ITSN2: variants seen among roughly 807,000 people sequenced by gnomAD.
ITSN2 encodes the protein intersectin-2.
ITSN2 carries 156 observed loss-of-function variants against 243.7 expected under a neutral mutation model. The observed-to-expected ratio is 0.64, with a 90% CI of 0.56 to 0.73. The LOEUF (loss-of-function observed/expected upper bound fraction) is 0.73. ITSN2 is among the 30% of genes least tolerant of loss of function. The probability of loss-of-function intolerance (pLI) is 0.00; values close to 1 mark genes in which losing one functional copy is unlikely to be tolerated. For missense variants in ITSN2, 1,801 were observed against 1,996.1 expected (o/e 0.90, Z 1.86); for synonymous variants, 703 against 699.9 (o/e 1.00, Z -0.07).
chr2:24,279,199 C>T (rs575236268), intron 17 of ITSN2, among the ~76,000 whole-genome samples: 2 of 152,238 alleles, frequency 1.3e-5, no homozygotes, highest in South Asian at 4.2e-4. Flanking sequence ...CCAACTTGGT[C>T]ATGGCAGGTT....
At chr2:24,246,670 T>C (rs1485926611) in intron 28 of ITSN2, 127 bp downstream of exon 28, 2 of 637,980 alleles carry the variant, frequency 3.1e-6, no homozygotes, top group East Asian at 5.6e-5. Context: ...CAGTGGCATG[T>C]CCCTTTTAAG....
At chr2:24,335,607 T>C (rs946270909) in intron 1 of ITSN2, among the ~76,000 whole-genome samples, 3 of 151,996 alleles carry the variant, frequency 2.0e-5, no homozygotes, top group Non-Finnish European at 2.9e-5. Flanking sequence ...GTGCTGGGAT[T>C]ACAAGCGAAA....
intron 15 of ITSN2, among the ~76,000 whole-genome samples, chr2:24,292,258 T>C (rs528520013): frequency 6.6e-6 from 1 of 152,176 alleles, no homozygotes; most frequent in South Asian, 2.1e-4. Flanking sequence ...AGAGAAAGAA[T>C]AGCCCCATCA....
chr2:24,246,422 A>T (rs1673375798), intron 28 of ITSN2, 102 bp from the exon 29 acceptor site: 1 of 615,610 alleles, frequency 1.6e-6, no homozygotes, highest in Non-Finnish European at 2.5e-6. Context: ...TTAATATTAA[A>T]TATTAAAATT....
rs1192470864 is a variant in ITSN2 at position 24,257,939 on chromosome 2, A to C, written c.2837T>G (p.Phe946Cys). The C allele has an allele frequency of 1.9e-6, 3 of 1,614,104 alleles. No individual in the cohort carries two copies. The highest frequency in any genetic ancestry group is 2.5e-6 in the Non-Finnish European group (3 of 1,179,990). ...AATGATCTTGACATAAGATTTGGGA[A>C]ACCATCCTCTTCCTCCATGCACCTC... ...FGEVHGGRGWFPKSYVKIIPG... is the reference protein window; with the variant it reads ...FGEVHGGRGWCPKSYVKIIPG... The change falls in exon 23 of 40, where the codon TTT becomes TGT. Residue 946 changes from phenylalanine (F) to cysteine (C), a missense_variant. Coordinates refer to ENST00000355123, the MANE Select transcript of ITSN2 (RefSeq NM_006277.3).
At chr2:24,315,277 C>T in intron 2 of ITSN2, 53 bp from the exon 3 acceptor site, 1 of 965,760 alleles carries the variant, frequency 1.0e-6, no homozygotes, top group Non-Finnish European at 1.6e-6. Flanking sequence ...GCTTAAAATA[C>T]AATTCTAAAA....
chr2:24,217,681 A>AT (rs564073111), intron 31 of ITSN2, among the ~76,000 whole-genome samples: 77 of 152,240 alleles, frequency 5.1e-4, no homozygotes, highest in African/African-American at 1.8e-3. Context: ...TAATGATTTA[A>AT]TTTTTTCTTT....
At chr2:24,236,667 T>C (rs1672187256) in intron 29 of ITSN2, among the ~76,000 whole-genome samples, 1 of 16,898 alleles carries the variant, frequency 5.9e-5, no homozygotes, top group Non-Finnish European at 1.1e-4. Context: ...TCCTGTGTTT[T>C]TTTTTCTTTT....
Position 24,299,922 on chromosome 2 carries a change from A to G in ITSN2, c.1331T>C (p.Ile444Thr). Reference protein sequence around the residue: ...RQREEERRKDIERREAAKQEL... With the variant: ...RQREEERRKDTERREAAKQEL... ...CTTAAAAATAACCTCTCGTCTTTCTATGTCTTTTCTCCTTTCTTCCTCTCG... is the reference window on the plus strand; with the variant it reads ...CTTAAAAATAACCTCTCGTCTTTCTGTGTCTTTTCTCCTTTCTTCCTCTCG... The change falls in exon 12 of 40, where the codon ATA (isoleucine) becomes ACA (threonine). Residue 444 changes from isoleucine (I) to threonine (T), a missense_variant. Transcript: ENST00000355123. The G allele has an allele frequency of 1.9e-6, 3 of 1,604,654 alleles. No individual in the cohort carries two copies. The highest frequency in any genetic ancestry group is 2.5e-6 in the Non-Finnish European group (3 of 1,176,752).
intron 23 of ITSN2, among the ~76,000 whole-genome samples, chr2:24,257,158 A>G (rs1173312110): frequency 1.3e-5 from 2 of 152,062 alleles, no homozygotes; most frequent in East Asian, 1.9e-4. Flanking sequence ...CACCTCTACA[A>G]ATAATTTAAA....
intron 29 of ITSN2, among the ~76,000 whole-genome samples, chr2:24,235,238 C>T (rs1223950163): frequency 6.6e-6 from 1 of 151,880 alleles, no homozygotes; most frequent in Non-Finnish European, 1.5e-5. Context: ...TCTGAAAAGG[C>T]TATGTACTGT....
chr2:24,360,896 G>A (rs1372231369), upstream of ITSN2, among the ~76,000 whole-genome samples: 1 of 152,212 alleles, frequency 6.6e-6, no homozygotes, highest in East Asian at 1.9e-4. Context: ...CATCCCTGTT[G>A]CACCCACCAC....
chr2:24,254,393 G>A lies in ITSN2; in HGVS notation c.2927C>T (p.Thr976Ile). ...ALYAAVNKKP[T>I]SAAYSVGEEY... The stretch of plus-strand genomic sequence containing the variant: ...TTCTCCAACTGAATAGGCTGCCGAG[G>A]TAGGTTTCTTATTTACAGCTGCATA... The change falls in exon 24 of 40, where the codon ACC becomes ATC. Residue 976 changes from threonine to isoleucine, a missense_variant. By Grantham distance (89) the Thr-to-Ile change is moderately conservative (BLOSUM62 -1). Transcript: ENST00000355123. 1.2e-6 allele frequency: 2 copies of A among 1,612,530 alleles called. No homozygotes were observed. Among genetic ancestry groups the A allele is most frequent in the Non-Finnish European group, 1.7e-6 (2 of 1,178,872 alleles).
At position 24,313,251 on chromosome 2, in the gene ITSN2, T is replaced by C. The variant is rs76745507; in HGVS notation, c.188+209A>G. ...AGGTGTGGCCACCACACCCAGCTAATTTTTTTTTTAATTTTCTGTAGAGAC... is the reference window on the plus strand; with the variant it reads ...AGGTGTGGCCACCACACCCAGCTAACTTTTTTTTTAATTTTCTGTAGAGAC... On this transcript the variant is annotated intron_variant, in intron 4 of 39. Transcript: ENST00000355123. Among the ~76,000 whole-genome samples, 1,269 of 150,014 alleles carry C rather than the reference T, an allele frequency of 8.5e-3. 7 individuals carry two copies. The highest frequency in any genetic ancestry group is 0.015 in the Non-Finnish European group (1,030 of 67,296).
intron 3 of ITSN2, 54 bp downstream of exon 3, chr2:24,315,078 T>C (rs1022786326): frequency 1.2e-6 from 1 of 823,428 alleles, no homozygotes; most frequent in Non-Finnish European, 1.9e-6. Flanking sequence ...AACTAATTCT[T>C]AGATATCACA....
intron 29 of ITSN2, among the ~76,000 whole-genome samples, chr2:24,228,303 G>C (rs1173668351): frequency 1.3e-5 from 2 of 152,068 alleles, no homozygotes; most frequent in Non-Finnish European, 2.9e-5. Context: ...AAGTCTGAGC[G>C]CATTTACCAC....
In ITSN2 at chr2:24,261,262, A is replaced by G. The variant is rs1483525218; in HGVS notation, c.2538-12T>C. On this transcript the variant is annotated splice_polypyrimidine_tract_variant and intron_variant, in intron 21 of 39. Transcript: ENST00000355123. ...TTGAAGAAAGTGGTCTGCAAATATAACACTTTGATATAAGTATATTTATTT... is the reference window on the plus strand; with the variant it reads ...TTGAAGAAAGTGGTCTGCAAATATAGCACTTTGATATAAGTATATTTATTT... 6 of 1,586,790 alleles carry G rather than the reference A, an allele frequency of 3.8e-6. 1 individual carries two copies. The South Asian group carries it at 6.7e-5, about 18-fold the overall frequency.
intron 2 of ITSN2, 137 bp from the exon 3 acceptor site, chr2:24,315,361 T>G (rs1183279919): frequency 1.3e-5 from 7 of 521,728 alleles, no homozygotes; most frequent in Admixed American, 3.3e-5. Context: ...TAGAGCTCTA[T>G]CATAACCATA....
chr2:24,225,434 T>C lies in ITSN2; in HGVS notation c.3578-4368A>G, dbSNP rs1241246096. Among the ~76,000 whole-genome samples, 1 of 152,228 alleles carries C rather than the reference T, an allele frequency of 6.6e-6. No individual in the cohort carries two copies. Among genetic ancestry groups the C allele is most frequent in the Non-Finnish European group, 1.5e-5 (1 of 68,046 alleles). On this transcript the variant is annotated intron_variant, in intron 29 of 39. Transcript: ENST00000355123. The surrounding 1 kb of genome is among the most constrained non-coding windows in gnomAD (Gnocchi z 4.2). The stretch of plus-strand genomic sequence containing the variant: ...GACACTGCTCTCGGGAAGGTATCGA[T>C]GACCTTGGCATTGCCAAGTTCAGTG...
Sources: gnomAD v4.1 joint callset for allele counts (sites outside exome capture counted in the v4.1 genomes callset) on GRCh38, gnomAD v4.1.1 for gene constraint, Gnocchi (gnomAD v3.1) non-coding constraint, MANE v1.5 for transcripts, NCBI Gene and HGNC (gene_info 2026-07-23, HGNC 2026-07-21) for gene names.